Variants in NR5A1 observed in about 807,000 individuals in gnomAD.
The protein encoded by NR5A1 is nuclear receptor subfamily 5 group A member 1, also known as steroidogenic factor 1.
A neutral mutation model predicts 42.7 loss-of-function variants in NR5A1; 6 were observed. The ratio of observed to expected loss-of-function variants is 0.14; its 90% CI spans 0.08 to 0.28. The LOEUF is 0.28. NR5A1 is among the 10% of genes least tolerant of loss of function. The pLI, the probability that NR5A1 is intolerant of heterozygous loss-of-function variation, is 1.00. For missense variants in NR5A1, 442 were observed against 626.4 expected (o/e 0.71, Z 3.14); for synonymous variants, 274 against 277.5 (o/e 0.99, Z 0.12).
intron 1 of NR5A1, among the ~76,000 whole-genome samples, chr9:124,506,246 TC>T (rs1832557671): frequency 6.6e-6 from 1 of 152,216 alleles, no homozygotes; most frequent in East Asian, 1.9e-4. Context: ...AACGAGAGCC[TC>T]AGTTTTCTCC....
intron 1 of NR5A1, among the ~76,000 whole-genome samples, chr9:124,506,019 G>C (rs931378987): frequency 1.1e-4 from 16 of 152,242 alleles, no homozygotes; most frequent in African/African-American, 3.9e-4. Context: ...GGAAAATACC[G>C]CAATTTTGCA....
At position 124,500,150 on chromosome 9, in the gene NR5A1, G is replaced by A. The variant is rs751267643; in HGVS notation, c.810C>T (p.Asp270=). 2 of 1,613,042 alleles carry A rather than the reference G, an allele frequency of 1.2e-6. No homozygotes were observed. Among genetic ancestry groups the A allele is most frequent in the South Asian group, 2.2e-5 (2 of 91,084 alleles). Reference sequence around the variant, plus strand: ...AGTCCACGATGGAGATGAAGGTCTGGTCGGCCATTCTGCACAGGAGGCCGA... The same window carrying A: ...AGTCCACGATGGAGATGAAGGTCTGATCGGCCATTCTGCACAGGAGGCCGA... ...AAFGLLCRMA[D]QTFISIVDWA... is the part of the protein sequence containing the mutation. The change falls in exon 4 of 7, where the codon GAC becomes GAT. Residue 270 remains aspartate, a synonymous_variant. Coordinates refer to ENST00000373588, the MANE Select transcript of NR5A1 (RefSeq NM_004959.5). The surrounding 1 kb of genome is among the most constrained non-coding windows in gnomAD (Gnocchi z 6.9).
At chr9:124,487,945 A>G (rs937994031) in intron 6 of NR5A1, among the ~76,000 whole-genome samples, 2 of 152,156 alleles carry the variant, frequency 1.3e-5, no homozygotes, top group African/African-American at 2.4e-5. Context: ...TGCGAATTTC[A>G]TCATGTTACT....
At chr9:124,484,288 G>A (rs1050826674) in intron 6 of NR5A1, among the ~76,000 whole-genome samples, 2 of 152,234 alleles carry the variant, frequency 1.3e-5, no homozygotes, top group African/African-American at 4.8e-5. Context: ...GTGGCAAGGA[G>A]GGGGCCTGGA....
intron 6 of NR5A1, among the ~76,000 whole-genome samples, chr9:124,490,774 C>T (rs1832295376): frequency 6.6e-6 from 1 of 152,086 alleles, no homozygotes; most frequent in African/African-American, 2.4e-5. Context: ...CCAGGAGGTA[C>T]AGTCAAAATT....
chr9:124,498,725 G>A lies in NR5A1; in HGVS notation c.870+1365C>T, dbSNP rs774501750. Among the ~76,000 whole-genome samples, 4 of 152,196 alleles carry A rather than the reference G, an allele frequency of 2.6e-5. No homozygotes were observed. The highest frequency in any genetic ancestry group is 4.4e-5 in the Non-Finnish European group (3 of 68,028). On this transcript the variant is annotated intron_variant, in intron 4 of 6. Transcript: ENST00000373588. This position sits in a 1 kb window ranked among gnomAD's most constrained non-coding sequence, Gnocchi z 4.6. ...ATCCATTAGGTCGGACCAGAGAGGC[G>A]GGCAGTGTTGAGAAGGGGCTGGGGT...
rs1478477850 is a variant in NR5A1 at position 124,500,181 on chromosome 9, G to A, written c.779C>T (p.Ala260Val). The change falls in exon 4 of 7, where the codon GCG (alanine) becomes GTG (valine). Residue 260 changes from alanine (A) to valine (V), a missense_variant. Transcript: ENST00000373588. The surrounding 1 kb of genome is among the most constrained non-coding windows in gnomAD (Gnocchi z 6.9). ...EPTKSRPDQP[A>V]AFGLLCRMAD... Reference sequence around the variant, plus strand: ...CATTCTGCACAGGAGGCCGAAGGCCGCCGGCTGGTCGGGGCGGCTTTTGGT... The same window carrying A: ...CATTCTGCACAGGAGGCCGAAGGCCACCGGCTGGTCGGGGCGGCTTTTGGT... The A allele has an allele frequency of 1.5e-5, 24 of 1,611,094 alleles. No homozygotes were observed. Among genetic ancestry groups the A allele is most frequent in the East Asian group, 2.2e-5 (1 of 44,840 alleles).
Position 124,499,974 on chromosome 9 carries a change from A to G in NR5A1, c.870+116T>C, listed in dbSNP as rs1271498982. 3.3e-6 allele frequency: 5 copies of G among 1,500,560 alleles called. No individual in the cohort carries two copies. In the African/African-American group the frequency reaches 6.9e-5, roughly 21 times the overall value. 93.0% of individuals were successfully genotyped at this position (1,500,560 alleles called of 1,614,324 possible). A position where few individuals can be genotyped will look rare whatever the true frequency, so the allele number is the denominator to read the frequency against. On this transcript the variant is annotated intron_variant, in intron 4 of 6. Coordinates refer to ENST00000373588, the MANE Select transcript of NR5A1 (RefSeq NM_004959.5). ...TCCCCAGGGTGGCCTCCGGGTCCCC[A>G]GGTACTGCCTGAAGCCAGTGGGAAG... is the stretch of plus-strand genomic sequence containing the variant.
Position 124,496,364 on chromosome 9 carries a change from C to T in NR5A1, c.871-3215G>A, listed in dbSNP as rs970564937. On this transcript the variant is annotated intron_variant, in intron 4 of 6. Transcript: ENST00000373588. This position sits in a 1 kb window ranked among gnomAD's most constrained non-coding sequence, Gnocchi z 5.0. ...TAAAGGCTCCTCTACCCTCAGGCCT[C>T]CTTGTCGCCCTGGGAACAATGACAT... Among the ~76,000 whole-genome samples, 5 of 152,196 alleles carry T rather than the reference C, an allele frequency of 3.3e-5. No homozygotes were observed. The highest frequency in any genetic ancestry group is 7.4e-5 in the Non-Finnish European group (5 of 68,026).
At chr9:124,490,647 TG>T (rs1256384675) in intron 6 of NR5A1, among the ~76,000 whole-genome samples, 1 of 152,080 alleles carries the variant, frequency 6.6e-6, no homozygotes, top group Non-Finnish European at 1.5e-5. Flanking sequence ...GGGCTGGGCT[TG>T]GGGGGTTTTT....
intron 5 of NR5A1, among the ~76,000 whole-genome samples, chr9:124,492,069 G>A (rs1333005897): frequency 1.3e-5 from 2 of 152,158 alleles, no homozygotes; most frequent in East Asian, 1.9e-4. Context: ...GTGACACCGA[G>A]GAGAGAGCTG....
chr9:124,491,039 C>CCCCCTGGTGT, intron 6 of NR5A1, 42 bp downstream of exon 6: 1 of 1,496,962 alleles, frequency 6.7e-7, no homozygotes, highest in Non-Finnish European at 9.0e-7. Flanking sequence ...ACCCACCCGC[C>CCCCCTGGTGT]TCTGGCTGTC....
intron 4 of NR5A1, among the ~76,000 whole-genome samples, chr9:124,495,435 C>T (rs1000628748): frequency 5.9e-5 from 9 of 152,228 alleles, no homozygotes; most frequent in Admixed American, 4.6e-4. Flanking sequence ...AGAGGCCTGC[C>T]GGAGGCAACA....
At position 124,483,117 on chromosome 9, in the gene NR5A1, A is replaced by G. The variant is rs116575632; in HGVS notation, c.1139-112T>C. ...CACCTTCCCTATGACCATCAAAGAC[A>G]TGGGCATTGCTGCCACCAACCATGC... On this transcript the variant is annotated intron_variant, in intron 6 of 6. Transcript: ENST00000373588. 4,245 of 1,598,092 alleles carry G rather than the reference A, an allele frequency of 2.7e-3. 91 individuals carry two copies. The African/African-American group carries it at 0.051, about 19-fold the overall frequency.
intron 6 of NR5A1, among the ~76,000 whole-genome samples, chr9:124,490,090 A>G (rs1373217831): frequency 6.6e-6 from 1 of 152,026 alleles, no homozygotes; most frequent in East Asian, 1.9e-4. Context: ...CAGGTGATGA[A>G]GCACTCACTC....
chr9:124,507,001 G>A (rs950863757), intron 1 of NR5A1: 4 of 152,708 alleles, frequency 2.6e-5, no homozygotes, highest in African/African-American at 9.6e-5. Flanking sequence ...CCTGGCCAGA[G>A]ACAGCGGGAC....
chr9:124,489,376 C>T (rs1397730070), intron 6 of NR5A1, among the ~76,000 whole-genome samples: 1 of 152,246 alleles, frequency 6.6e-6, no homozygotes, highest in Non-Finnish European at 1.5e-5. Context: ...CACCCTTCCC[C>T]ACAAATTACT....
Position 124,482,552 on chromosome 9 carries a change from C to T in NR5A1, c.*206G>A. ...CAGCAGGCAAGTGCCAGTGGCCACT[C>T]CACCTCCGCCAGGCCCTGCCCAGCC... On this transcript the variant is annotated 3_prime_UTR_variant, in exon 7 of 7. Coordinates refer to ENST00000373588, the MANE Select transcript of NR5A1 (RefSeq NM_004959.5). 1.5e-6 allele frequency: 1 copy of T among 654,468 alleles called. No individual in the cohort carries two copies. The highest frequency in any genetic ancestry group is 2.6e-6 in the Non-Finnish European group (1 of 387,380). The allele number at this position is 654,468 out of a possible 1,614,324, so 40.5% of individuals were successfully genotyped here. A position where few individuals can be genotyped will look rare whatever the true frequency, so the allele number is the denominator to read the frequency against.
At position 124,488,179 on chromosome 9, in the gene NR5A1, T is replaced by C. The variant is rs1832251247; in HGVS notation, c.1138+2902A>G. On this transcript the variant is annotated intron_variant, in intron 6 of 6. Coordinates refer to ENST00000373588, the MANE Select transcript of NR5A1 (RefSeq NM_004959.5). ...CCCAGAATGCTCCTATTCATACTGC[T>C]AGGCCCAGCTCAGAGCCCCCACCCC... 1.3e-5 allele frequency among the ~76,000 whole-genome samples: 2 copies of C among 151,654 alleles called. 1 individual carries two copies. Among genetic ancestry groups the C allele is most frequent in the African/African-American group, 4.9e-5 (2 of 41,206 alleles).
Sources: allele counts gnomAD v4.1 joint callset (sites outside exome capture counted in the v4.1 genomes callset), GRCh38; gene constraint gnomAD v4.1.1; non-coding constraint Gnocchi (gnomAD v3.1); transcripts MANE v1.5; gene names NCBI Gene and HGNC (gene_info 2026-07-23, HGNC 2026-07-21).